The following PCDHGA6 variants were observed in gnomAD, a reference collection of about 807,000 sequenced individuals.
PCDHGA6 encodes protocadherin gamma-A6.
A neutral mutation model predicts 60.6 loss-of-function variants in PCDHGA6; 41 were observed. The observed-to-expected ratio is 0.68, with a 90% CI of 0.53 to 0.88. The LOEUF is 0.88. PCDHGA6 is among the 40% of genes least tolerant of loss of function. The probability of loss-of-function intolerance (pLI) is 0.00; values close to 1 mark genes in which losing one functional copy is unlikely to be tolerated. For synonymous variants in PCDHGA6, 594 were observed against 524.4 expected (o/e 1.13, Z -1.81); for missense variants, 1,312 against 1,203.0 (o/e 1.09, Z -1.34).
intron 1 of PCDHGA6, among the ~76,000 whole-genome samples, chr5:141,465,017 C>T (rs1278815002): frequency 6.6e-6 from 1 of 152,132 alleles, no homozygotes; most frequent in Non-Finnish European, 1.5e-5. Context: ...GCTAAGATTA[C>T]AGCCATGAAC....
rs535739297 is a variant in PCDHGA6, at chr5:141,399,960, G to A, written c.2424+23453G>A. ...ACGTGCTGCAGGCTAGCGAGCCCGG[G>A]CTCTTCAGCCTGGGGCTGCGCACAG... On this transcript the variant is annotated intron_variant, in intron 1 of 3. Transcript: ENST00000517434. 8.1e-6 allele frequency: 13 copies of A among 1,612,214 alleles called. No homozygotes were observed. The African/African-American group carries it at 1.6e-4, about 20-fold the overall frequency.
chr5:141,398,938 G>T (rs201463346), intron 1 of PCDHGA6: 467 of 1,613,840 alleles, frequency 2.9e-4, no homozygotes, highest in Non-Finnish European at 3.7e-4. Context: ...TGACCAAGAC[G>T]AGGGCATCAA....
rs564486909 is a variant in PCDHGA6, at chr5:141,428,072, G to A, written c.2424+51565G>A. The A allele has an allele frequency of 1.6e-5, 25 of 1,609,080 alleles. No individual in the cohort carries two copies. The South Asian group carries it at 1.9e-4, about 12-fold the overall frequency. On this transcript the variant is annotated intron_variant, in intron 1 of 3. Coordinates refer to ENST00000517434, the MANE Select transcript of PCDHGA6 (RefSeq NM_018919.3). The stretch of plus-strand genomic sequence containing the variant: ...AGGTGGTGGCGGTGGACGCAGATTC[G>A]GGACACAACGCTTGGCTGTCCTACC...
chr5:141,375,721 G>T lies in PCDHGA6; in HGVS notation c.1638G>T (p.Val546=), dbSNP rs1194190814. ...DSGDPPLSSN[V]SLSLFVLDQN... ...GGGACCCGCCTCTTAGCAGCAACGT[G>T]TCACTGAGCCTGTTTGTGCTGGACC... The change falls in exon 1 of 4, where the codon GTG becomes GTT. Residue 546 remains valine (V), a synonymous_variant. Coordinates refer to ENST00000517434, the MANE Select transcript of PCDHGA6 (RefSeq NM_018919.3). 6.2e-7 allele frequency: 1 copy of T among 1,614,266 alleles called. No homozygotes were observed. The highest frequency in any genetic ancestry group is 1.1e-5 in the South Asian group (1 of 91,090).
chr5:141,461,830 CT>C (rs1030113508), intron 1 of PCDHGA6, among the ~76,000 whole-genome samples: 30 of 145,198 alleles, frequency 2.1e-4, no homozygotes, highest in Non-Finnish European at 2.4e-4. Flanking sequence ...ATTTTTTTTT[CT>C]TTTTTTTTTG....
chr5:141,379,047 T>C (rs570619122), intron 1 of PCDHGA6: 2 of 152,352 alleles, frequency 1.3e-5, no homozygotes, highest in East Asian at 1.9e-4. Flanking sequence ...GGTGGTATTA[T>C]AGAATGGATT....
rs768648952 is a variant in PCDHGA6, at chr5:141,477,230, G to T, written c.2425-17577G>T. 14 of 1,614,046 alleles carry T rather than the reference G, an allele frequency of 8.7e-6. No homozygotes were observed. The highest frequency in any genetic ancestry group is 4.0e-5 in the African/African-American group (3 of 74,916). On this transcript the variant is annotated intron_variant, in intron 1 of 3. Transcript: ENST00000517434. The surrounding 1 kb of genome is among the most constrained non-coding windows in gnomAD (Gnocchi z 4.9). Reference sequence around the variant, plus strand: ...GGATGCCCCTCTGGGGACTGTCATCGCTTTGCTCAGTGTGACTGACCTGGA... The same window carrying T: ...GGATGCCCCTCTGGGGACTGTCATCTCTTTGCTCAGTGTGACTGACCTGGA...
chr5:141,472,308 G>A (rs897967832), intron 1 of PCDHGA6, among the ~76,000 whole-genome samples: 6 of 152,074 alleles, frequency 3.9e-5, no homozygotes, highest in South Asian at 4.1e-4. Context: ...TTGGGAAGCC[G>A]AGGCAGGCAG....
chr5:141,402,091 G>C (rs1453803021), intron 1 of PCDHGA6, among the ~76,000 whole-genome samples: 2 of 152,088 alleles, frequency 1.3e-5, no homozygotes, highest in Non-Finnish European at 2.9e-5. Context: ...TAGCAGAAAA[G>C]TTTAAGCAAT....
intron 1 of PCDHGA6, chr5:141,388,296 T>G: frequency 1.2e-6 from 2 of 1,613,704 alleles, no homozygotes; most frequent in Non-Finnish European, 1.7e-6. Flanking sequence ...GCAAAATTCC[T>G]TTGAGCTGCA....
rs60063068 is a variant in PCDHGA6, at chr5:141,477,262, C to T, written c.2425-17545C>T. The T allele has an allele frequency of 1.9e-4, 313 of 1,614,138 alleles. No individual in the cohort carries two copies. In the African/African-American group the frequency reaches 3.7e-3, roughly 19 times the overall value. On this transcript the variant is annotated intron_variant, in intron 1 of 3. Coordinates refer to ENST00000517434, the MANE Select transcript of PCDHGA6 (RefSeq NM_018919.3). This position sits in a 1 kb window ranked among gnomAD's most constrained non-coding sequence, Gnocchi z 4.9. ...TCAGTGTGACTGACCTGGATGCTGG[C>T]GAGAACGGGCTGGTGACCTGCGAAG...
chr5:141,432,014 A>G lies in PCDHGA6; in HGVS notation c.2424+55507A>G, dbSNP rs778393699. The G allele has an allele frequency of 1.5e-5, 25 of 1,614,078 alleles. No individual in the cohort carries two copies. The highest frequency in any genetic ancestry group is 2.0e-5 in the Non-Finnish European group (24 of 1,180,036). ...GGATAGGGAACAGGTTCCTAGCTAC[A>G]ACATCACAGTGACCGCCACTGACCG... On this transcript the variant is annotated intron_variant, in intron 1 of 3. Coordinates refer to ENST00000517434, the MANE Select transcript of PCDHGA6 (RefSeq NM_018919.3). This position sits in a 1 kb window ranked among gnomAD's most constrained non-coding sequence, Gnocchi z 6.0.
chr5:141,399,773 G>A (rs750173338), intron 1 of PCDHGA6: 3 of 1,613,302 alleles, frequency 1.9e-6, no homozygotes, highest in Admixed American at 1.7e-5. Flanking sequence ...GTGTTGGTGG[G>A]CGACCGAAAC....
chr5:141,404,466 TCTCTATTAA>T, intron 1 of PCDHGA6: 5 of 1,613,558 alleles, frequency 3.1e-6, no homozygotes, highest in Non-Finnish European at 4.2e-6. Context: ...TCCACCTATG[TCTCTATTAA>T]CTCAGACACT....
chr5:141,375,919 C>T lies in PCDHGA6; in HGVS notation c.1836C>T (p.Ser612=). ...AWLSYRLLKA[S]EPGLFSVGLH... ...TGTCCTACCGCCTGCTCAAGGCCAG[C>T]GAGCCAGGACTTTTCTCAGTGGGCC... The change falls in exon 1 of 4, where the codon AGC becomes AGT. Residue 612 remains serine (S), a synonymous_variant. Coordinates refer to ENST00000517434, the MANE Select transcript of PCDHGA6 (RefSeq NM_018919.3). 1.2e-6 allele frequency: 2 copies of T among 1,613,730 alleles called. No individual in the cohort carries two copies. The highest frequency in any genetic ancestry group is 2.2e-5 in the East Asian group (1 of 44,872).
Position 141,410,441 on chromosome 5 carries a change from A to T in PCDHGA6, c.2424+33934A>T. ...AGTTCCCCCCAACTACAGTGAGGGGACTTTGCCTTATTCTTATAATCTGTG... is the reference window on the plus strand; with the variant it reads ...AGTTCCCCCCAACTACAGTGAGGGGTCTTTGCCTTATTCTTATAATCTGTG... On this transcript the variant is annotated intron_variant, in intron 1 of 3. Transcript: ENST00000517434. 2 of 1,613,946 alleles carry T rather than the reference A, an allele frequency of 1.2e-6. 1 individual carries two copies. The highest frequency in any genetic ancestry group is 2.2e-5 in the South Asian group (2 of 91,074).
intron 1 of PCDHGA6, among the ~76,000 whole-genome samples, chr5:141,407,274 A>G (rs763803896): frequency 2.0e-5 from 3 of 152,232 alleles, no homozygotes; most frequent in Non-Finnish European, 2.9e-5. Context: ...GCAACAAGAA[A>G]ATTGTTACAA....
In PCDHGA6 at chr5:141,491,491, G is replaced by C. The variant is rs2099717103; in HGVS notation, c.2425-3316G>C. The C allele has an allele frequency of 1.2e-6, 2 of 1,614,042 alleles. No homozygotes were observed. The highest frequency in any genetic ancestry group is 1.7e-5 in the Admixed American group (1 of 60,016). The stretch of plus-strand genomic sequence containing the variant: ...TAAGCAGTCCAGCCCCAACCTGCAG[G>C]TGAGCTCGGACGGCACGCTCAAGTA... On this transcript the variant is annotated intron_variant, in intron 1 of 3. Transcript: ENST00000517434. The surrounding 1 kb of genome is among the most constrained non-coding windows in gnomAD (Gnocchi z 6.9).
rs943867570 is a variant in PCDHGA6 at position 141,493,651 on chromosome 5, T to C, written c.2425-1156T>C. On this transcript the variant is annotated intron_variant, in intron 1 of 3. Coordinates refer to ENST00000517434, the MANE Select transcript of PCDHGA6 (RefSeq NM_018919.3). The surrounding 1 kb of genome is among the most constrained non-coding windows in gnomAD (Gnocchi z 4.3). ...AGTGGCTGAGGGCTGGCCATCCCTGTGCCCTTCTCCATGGCAGCCCCAGAA... is the reference window on the plus strand; with the variant it reads ...AGTGGCTGAGGGCTGGCCATCCCTGCGCCCTTCTCCATGGCAGCCCCAGAA... Among the ~76,000 whole-genome samples, 1 of 152,204 alleles carries C rather than the reference T, an allele frequency of 6.6e-6. No individual in the cohort carries two copies. The highest frequency in any genetic ancestry group is 1.5e-5 in the Non-Finnish European group (1 of 68,030).
Sources: gnomAD v4.1 joint callset for allele counts (sites outside exome capture counted in the v4.1 genomes callset) on GRCh38, gnomAD v4.1.1 for gene constraint, Gnocchi (gnomAD v3.1) non-coding constraint, MANE v1.5 for transcripts, NCBI Gene and HGNC (gene_info 2026-07-23, HGNC 2026-07-21) for gene names.